The following PCNX2 variants were observed in gnomAD, a reference collection of about 807,000 sequenced individuals.
PCNX2 encodes pecanex 2, also known as pecanex-like protein 2.
A neutral mutation model predicts 223.8 loss-of-function variants in PCNX2; 168 were observed. The observed-to-expected ratio is 0.75, with a 90% confidence interval of 0.66 to 0.85. PCNX2 has a LOEUF of 0.85. Ranked by LOEUF, PCNX2 falls within the 40% of genes least tolerant of loss-of-function variation. The pLI, the probability that PCNX2 is intolerant of heterozygous loss-of-function variation, is 0.00. For synonymous variants in PCNX2, 1,006 were observed against 1,052.6 expected (o/e 0.96, Z 0.86); for missense variants, 2,507 against 2,675.5 (o/e 0.94, Z 1.39).
chr1:233,120,164 C>CAAAAAAAAAAAAAAAAAAAAAAAAAAAA (rs1228898502), intron 21 of PCNX2, among the ~76,000 whole-genome samples: 16 of 42,634 alleles, frequency 3.8e-4, no homozygotes, highest in Non-Finnish European at 6.3e-4. Context: ...GACTCCATTT[C>CAAAAAAAAAAAAAAAAAAAAAAAAAAAA]AAAAAAAAAA....
intron 4 of PCNX2, among the ~76,000 whole-genome samples, chr1:233,260,438 T>C (rs1277758775): frequency 6.6e-6 from 1 of 152,222 alleles, no homozygotes; most frequent in East Asian, 1.9e-4. Context: ...TGTATATGTG[T>C]ATATAAAACA....
intron 21 of PCNX2, among the ~76,000 whole-genome samples, chr1:233,110,505 C>T (rs1430514009): frequency 6.6e-6 from 1 of 152,146 alleles, no homozygotes; most frequent in African/African-American, 2.4e-5. Context: ...TGCCAATAGG[C>T]CTACACTCAA....
chr1:233,147,964 T>A (rs1352947109), intron 19 of PCNX2, among the ~76,000 whole-genome samples: 1 of 152,230 alleles, frequency 6.6e-6, no homozygotes, highest in African/African-American at 2.4e-5. Flanking sequence ...TTACTATTAT[T>A]TTTATAGGAA....
chr1:232,998,341 T>C lies in PCNX2; in HGVS notation c.5701A>G (p.Ser1901Gly). The C allele has an allele frequency of 6.2e-7, 1 of 1,613,234 alleles. No individual in the cohort carries two copies. Among genetic ancestry groups the C allele is most frequent in the East Asian group, 2.2e-5 (1 of 44,830 alleles). The part of the protein sequence containing the change: ...APTTGGNNAP[S>G]GGSQESSAEQ... Reference sequence around the variant, plus strand: ...GCGCTGCTCTCCTGGCTGCCACCACTCGGGGCATTGTTGCCACCTGTCGTC... The same window carrying C: ...GCGCTGCTCTCCTGGCTGCCACCACCCGGGGCATTGTTGCCACCTGTCGTC... Residue 1901 changes from serine to glycine, a missense_variant, in exon 32 of 34, where the codon AGT (serine) becomes GGT (glycine). Ser to Gly is a moderately conservative substitution (Grantham distance 56). This residue lies in a region of PCNX2 where 1,372 missense variants were observed against 1,509.4 expected (regional missense o/e 0.91). Transcript: ENST00000258229.
At chr1:233,107,214 A>ACACACAC (rs371695786) in intron 21 of PCNX2, among the ~76,000 whole-genome samples, 258 of 150,360 alleles carry the variant, frequency 1.7e-3, no homozygotes, top group African/African-American at 6.1e-3. Flanking sequence ...CACACACACA[A>ACACACAC]AACCATGCAC....
At chr1:233,032,692 T>C (rs1179147530) in intron 25 of PCNX2, among the ~76,000 whole-genome samples, 6 of 152,126 alleles carry the variant, frequency 3.9e-5, no homozygotes, top group Non-Finnish European at 5.9e-5. Flanking sequence ...TGTGAGAAGA[T>C]GGCGAATTTG....
intron 15 of PCNX2, among the ~76,000 whole-genome samples, chr1:233,194,650 TA>T (rs1262107342): frequency 6.6e-6 from 1 of 152,108 alleles, no homozygotes; most frequent in Non-Finnish European, 1.5e-5. Flanking sequence ...TTTTATAATA[TA>T]AAAGGAAACA....
At chr1:233,283,712 T>C (rs1310351473) in intron 1 of PCNX2, among the ~76,000 whole-genome samples, 5 of 152,154 alleles carry the variant, frequency 3.3e-5, no homozygotes, top group Non-Finnish European at 7.4e-5. Context: ...AACTCTTCTT[T>C]ACAGAATAGT....
At position 233,122,411 on chromosome 1, in the gene PCNX2, G is replaced by C. The variant is rs529453112; in HGVS notation, c.3837+12602C>G. On this transcript the variant is annotated intron_variant, in intron 21 of 33. Transcript: ENST00000258229. ...TAGTGGCTTTCTTCCAAAGAATATAGGATGGAAAGGAGGACAAAAGGGTAA... is the reference window on the plus strand; with the variant it reads ...TAGTGGCTTTCTTCCAAAGAATATACGATGGAAAGGAGGACAAAAGGGTAA... 5.9e-5 allele frequency among the ~76,000 whole-genome samples: 9 copies of C among 152,186 alleles called. No homozygotes were observed. The South Asian group carries it at 1.9e-3, about 32-fold the overall frequency.
intron 21 of PCNX2, among the ~76,000 whole-genome samples, chr1:233,121,103 T>C (rs1448533733): frequency 6.6e-6 from 1 of 150,786 alleles, no homozygotes; most frequent in Non-Finnish European, 1.5e-5. Flanking sequence ...AGACAAAATA[T>C]GTGTGTATCA....
chr1:233,025,094 C>T, intron 26 of PCNX2, 52 bp downstream of exon 26: 1 of 1,600,434 alleles, frequency 6.2e-7, no homozygotes, highest in Admixed American at 1.7e-5. Flanking sequence ...TTCGGAGCTT[C>T]CTGTGCCATC....
chr1:232,999,110 C>T lies in PCNX2; in HGVS notation c.5598G>A (p.Trp1866Ter), dbSNP rs1226350120. ...CATTTGTTGTAAAAACTTACCTTAC[C>T]CACTTGGTCCAGAACCAGGTCCTAA... ...DRIRTWFWTKWVRMRKDCNAR... is the reference protein window; with the variant it reads ...DRIRTWFWTK Residue 1866 changes from tryptophan (W) to a stop codon, truncating the protein, a stop_gained, in exon 31 of 34, where the codon TGG becomes TGA. Coordinates refer to ENST00000258229, the MANE Select transcript of PCNX2 (RefSeq NM_014801.4). LOFTEE classifies it high-confidence loss of function. 6.2e-7 allele frequency: 1 copy of T among 1,601,200 alleles called. No homozygotes were observed. The highest frequency in any genetic ancestry group is 8.5e-7 in the Non-Finnish European group (1 of 1,170,870).
At chr1:233,061,355 C>G (rs546373025) in intron 23 of PCNX2, among the ~76,000 whole-genome samples, 1 of 152,308 alleles carries the variant, frequency 6.6e-6, no homozygotes, top group South Asian at 2.1e-4. Flanking sequence ...TACTAACAAT[C>G]GTATTAGCTC....
chr1:233,165,713 TAAAC>T (rs1290804070), intron 17 of PCNX2, among the ~76,000 whole-genome samples: 1 of 152,068 alleles, frequency 6.6e-6, no homozygotes, highest in African/African-American at 2.4e-5. Flanking sequence ...ACTAAACAGA[TAAAC>T]TAAATAAATA....
chr1:232,989,673 A>T (rs1440223961), intron 32 of PCNX2, among the ~76,000 whole-genome samples: 2 of 152,206 alleles, frequency 1.3e-5, no homozygotes, highest in Non-Finnish European at 2.9e-5. Context: ...CACCCAGTAC[A>T]CTAACATGTA....
intron 13 of PCNX2, 51 bp downstream of exon 13, chr1:233,208,467 G>A (rs747791407): frequency 6.5e-7 from 1 of 1,537,574 alleles, no homozygotes; most frequent in African/African-American, 1.4e-5. Context: ...ACAAAGGGGA[G>A]ACATACCCCC....
intron 25 of PCNX2, among the ~76,000 whole-genome samples, chr1:233,038,999 A>G (rs777298217): frequency 6.6e-6 from 1 of 152,130 alleles, no homozygotes; most frequent in Admixed American, 6.6e-5. Context: ...ATTCTATAAG[A>G]GCCATCTAGG....
intron 28 of PCNX2, among the ~76,000 whole-genome samples, chr1:233,006,104 T>C (rs1167653861): frequency 6.6e-6 from 1 of 152,034 alleles, no homozygotes; most frequent in Non-Finnish European, 1.5e-5. Flanking sequence ...CCAAAGACTA[T>C]GGCAATGAGA....
intron 12 of PCNX2, among the ~76,000 whole-genome samples, chr1:233,215,257 T>G (rs1682055258): frequency 1.3e-5 from 2 of 152,228 alleles, no homozygotes; most frequent in Admixed American, 1.3e-4. Flanking sequence ...ACAAGAAATA[T>G]TTTATAGCTA....
Sources: allele counts gnomAD v4.1 joint callset (sites outside exome capture counted in the v4.1 genomes callset), GRCh38; gene constraint gnomAD v4.1.1; regional missense constraint gnomAD v4.1.1; transcripts MANE v1.5; gene names NCBI Gene and HGNC (gene_info 2026-07-23, HGNC 2026-07-21).